The following FMNL2 variants were observed in gnomAD, a reference collection of about 807,000 sequenced individuals.
The protein encoded by FMNL2 is formin-like protein 2.
FMNL2 carries 51 observed loss-of-function variants against 130.2 expected under a neutral mutation model. That is an observed-to-expected ratio of 0.39 (90% confidence interval 0.31 to 0.49). The LOEUF (loss-of-function observed/expected upper bound fraction) is 0.49. FMNL2 is among the 20% of genes least tolerant of loss of function. The pLI, the probability that FMNL2 is intolerant of heterozygous loss-of-function variation, is 0.85. For synonymous variants in FMNL2, 465 were observed against 467.1 expected (o/e 1.00, Z 0.06); for missense variants, 977 against 1,316.2 (o/e 0.74, Z 3.99).
At chr2:152,336,092 A>AAAAAC (rs4035883) in intron 1 of FMNL2, among the ~76,000 whole-genome samples, 28,971 of 132,054 alleles carry the variant, frequency 0.22, 3,288 homozygotes, top group Middle Eastern at 0.34. Flanking sequence ...TTTTTTTAAA[A>AAAAAC]AAAACAAAAC....
chr2:152,492,483 T>G (rs1209437124), intron 1 of FMNL2, among the ~76,000 whole-genome samples: 1 of 152,232 alleles, frequency 6.6e-6, no homozygotes, highest in Non-Finnish European at 1.5e-5. Context: ...CATTACAGTT[T>G]TGGCTTTTCT....
chr2:152,449,687 A>G (rs1469646113), intron 1 of FMNL2, among the ~76,000 whole-genome samples: 1 of 152,222 alleles, frequency 6.6e-6, no homozygotes, highest in Non-Finnish European at 1.5e-5. Context: ...TACCTAGTGC[A>G]AACAGATTAA....
rs376630272 is a variant in FMNL2 at position 152,605,307 on chromosome 2, CGTGT to C, written c.877-2024_877-2021del. Reference sequence around the variant, plus strand: ...TCATGTGTGTGCGTCTGTGCGTGTGCGTGTGTGTGTGCGTGTGTGTGTGTGTATT... The same window carrying C: ...TCATGTGTGTGCGTCTGTGCGTGTGCGTGTGTGCGTGTGTGTGTGTGTATT... On this transcript the variant is annotated intron_variant, in intron 9 of 25. Transcript: ENST00000288670. Among the ~76,000 whole-genome samples the C allele has an allele frequency of 1.1e-3, 163 of 148,276 alleles. 4 individuals carry two copies. In the East Asian group the frequency reaches 0.028, roughly 26 times the overall value.
chr2:152,362,481 A>C (rs1683237119), intron 1 of FMNL2, among the ~76,000 whole-genome samples: 1 of 152,166 alleles, frequency 6.6e-6, no homozygotes, highest in African/African-American at 2.4e-5. Context: ...TCTGACTGCA[A>C]ACCATTTGAG....
At chr2:152,574,450 A>AG (rs1193141576) in intron 6 of FMNL2, among the ~76,000 whole-genome samples, 3 of 148,258 alleles carry the variant, frequency 2.0e-5, no homozygotes, top group African/African-American at 4.9e-5. Context: ...AAAAAAAAAA[A>AG]AAAAGAAAAG....
At chr2:152,499,647 G>A (rs924755865) in intron 1 of FMNL2, among the ~76,000 whole-genome samples, 2 of 152,176 alleles carry the variant, frequency 1.3e-5, no homozygotes, top group East Asian at 3.9e-4. Flanking sequence ...GGACTGAATC[G>A]GTTCCAAGCT....
At chr2:152,542,642 G>T in intron 2 of FMNL2, 97 bp from the exon 3 acceptor site, 1 of 1,160,930 alleles carries the variant, frequency 8.6e-7, no homozygotes, top group South Asian at 1.3e-5. Context: ...TTATACTGTG[G>T]ATGCATTTTG....
intron 1 of FMNL2, among the ~76,000 whole-genome samples, chr2:152,421,933 T>C (rs1027593116): frequency 6.6e-6 from 1 of 152,238 alleles, no homozygotes; most frequent in Non-Finnish European, 1.5e-5. Context: ...CATTAGGTAT[T>C]TTACGTTTAT....
chr2:152,483,041 C>G (rs1053901533), intron 1 of FMNL2, among the ~76,000 whole-genome samples: 4 of 152,060 alleles, frequency 2.6e-5, no homozygotes, highest in Admixed American at 1.3e-4. Context: ...AAATCCAATC[C>G]CTTCCCATGT....
intron 1 of FMNL2, among the ~76,000 whole-genome samples, chr2:152,438,728 TAGC>T (rs1293376424): frequency 1.3e-5 from 2 of 152,124 alleles, no homozygotes; most frequent in African/African-American, 4.8e-5. Flanking sequence ...CTCTTTGGTT[TAGC>T]AACATATTCT....
chr2:152,546,885 A>AGGAAGAGTTTAAAGAGAG (rs1694673495), intron 3 of FMNL2, among the ~76,000 whole-genome samples: 1 of 151,710 alleles, frequency 6.6e-6, no homozygotes, highest in Admixed American at 6.6e-5. Context: ...TTTAGCTCCA[A>AGGAAGAGTTTAAAGAGAG]GGAAGAGTTT....
chr2:152,535,842 T>C (rs1447190664), intron 2 of FMNL2, among the ~76,000 whole-genome samples: 1 of 152,208 alleles, frequency 6.6e-6, no homozygotes, highest in Non-Finnish European at 1.5e-5. Flanking sequence ...CTTAATACTT[T>C]TTCATTTTCT....
intron 1 of FMNL2, among the ~76,000 whole-genome samples, chr2:152,417,527 A>C (rs573823144): frequency 6.6e-6 from 1 of 152,182 alleles, no homozygotes; most frequent in South Asian, 2.1e-4. Context: ...ATTTGCTTAC[A>C]TTGAGGTGTT....
chr2:152,501,454 G>A (rs1691828911), intron 1 of FMNL2, among the ~76,000 whole-genome samples: 2 of 152,178 alleles, frequency 1.3e-5, no homozygotes, highest in African/African-American at 4.8e-5. Context: ...AGCTCCCAAT[G>A]GGTTGATGGA....
intron 7 of FMNL2, 132 bp from the exon 8 acceptor site, chr2:152,578,756 A>T: frequency 3.1e-6 from 2 of 641,730 alleles, no homozygotes; most frequent in Non-Finnish European, 5.3e-6. Flanking sequence ...TACTAGAGAC[A>T]TAAGTGCATT....
At chr2:152,505,042 C>T (rs979690725) in intron 1 of FMNL2, among the ~76,000 whole-genome samples, 1 of 152,154 alleles carries the variant, frequency 6.6e-6, no homozygotes, top group Non-Finnish European at 1.5e-5. Flanking sequence ...TGATATTTCC[C>T]TCTGTTTATC....
At chr2:152,496,390 T>C (rs1691520463) in intron 1 of FMNL2, among the ~76,000 whole-genome samples, 4 of 152,200 alleles carry the variant, frequency 2.6e-5, no homozygotes, top group African/African-American at 9.6e-5. Flanking sequence ...ATGCCCATGG[T>C]ATCTGCATGT....
chr2:152,565,323 A>G (rs1193267716), intron 6 of FMNL2, among the ~76,000 whole-genome samples: 1 of 152,208 alleles, frequency 6.6e-6, no homozygotes, highest in East Asian at 1.9e-4. Flanking sequence ...GTTGGTCCTC[A>G]GGGTAAGGAA....
intron 2 of FMNL2, among the ~76,000 whole-genome samples, chr2:152,532,453 T>C (rs1328809183): frequency 6.6e-6 from 1 of 152,204 alleles, no homozygotes; most frequent in Non-Finnish European, 1.5e-5. Context: ...CTAGCCATTT[T>C]TATGGGCATA....
Sources: gnomAD v4.1 joint callset for allele counts (sites outside exome capture counted in the v4.1 genomes callset) on GRCh38, gnomAD v4.1.1 for gene constraint, MANE v1.5 for transcripts, NCBI Gene and HGNC (gene_info 2026-07-23, HGNC 2026-07-21) for gene names.